PCDHGB1: variants seen among roughly 807,000 people sequenced by gnomAD.
PCDHGB1 encodes the protein protocadherin gamma-B1.
Under a neutral mutation model 56.6 loss-of-function variants are expected in PCDHGB1, and 34 were observed. The ratio of observed to expected loss-of-function variants is 0.60; its 90% CI spans 0.46 to 0.80. The LOEUF (loss-of-function observed/expected upper bound fraction) is 0.80, where lower values mean the gene tolerates loss of function less well. Among genes scored for constraint, PCDHGB1 ranks in the 30% least tolerant of loss-of-function variants. The pLI, the probability that PCDHGB1 is intolerant of heterozygous loss-of-function variation, is 0.00. For missense variants in PCDHGB1, 1,278 were observed against 1,204.6 expected (o/e 1.06, Z -0.90); for synonymous variants, 561 against 505.9 (o/e 1.11, Z -1.46).
intron 1 of PCDHGB1, chr5:141,356,057 A>T: frequency 6.2e-7 from 1 of 1,613,942 alleles, no homozygotes; most frequent in Middle Eastern, 1.6e-4. Flanking sequence ...AAAGTAAGAG[A>T]CAAAATATCA....
At chr5:141,378,986 C>T (rs1369970851) in intron 1 of PCDHGB1, 2 of 152,156 alleles carry the variant, frequency 1.3e-5, no homozygotes, top group African/African-American at 4.8e-5. Flanking sequence ...TGTTGAACTA[C>T]ATTATAGTCA....
chr5:141,421,404 G>A, intron 1 of PCDHGB1: 17 of 1,614,080 alleles, frequency 1.1e-5, no homozygotes, highest in Non-Finnish European at 1.4e-5. Flanking sequence ...AGCCCCGGGA[G>A]CTGGCGAAGC....
At chr5:141,371,550 C>T in intron 1 of PCDHGB1, 1 of 1,613,828 alleles carries the variant, frequency 6.2e-7, no homozygotes, top group South Asian at 1.1e-5. Context: ...CCTATGCCAA[C>T]TAAAAGGAAA....
intron 1 of PCDHGB1, chr5:141,389,060 A>G (rs1164665785): frequency 3.7e-6 from 6 of 1,614,010 alleles, no homozygotes; most frequent in Non-Finnish European, 4.2e-6. Context: ...CATTTAAAAT[A>G]TTAACTTCTT....
chr5:141,389,074 G>C (rs1561622860), intron 1 of PCDHGB1: 11 of 1,614,030 alleles, frequency 6.8e-6, no homozygotes, highest in Non-Finnish European at 9.3e-6. Context: ...ACTTCTTCAA[G>C]AAACACGTAT....
chr5:141,350,467 G>A lies in PCDHGB1; in HGVS notation c.207G>A (p.Glu69=). The change falls in exon 1 of 4, where the codon GAG becomes GAA. Residue 69 remains glutamate, a synonymous_variant. Coordinates refer to ENST00000523390, the MANE Select transcript of PCDHGB1 (RefSeq NM_018922.3). The part of the protein sequence containing the change: ...LPTRKLRVSA[E]DYFNVSLESG... ...CTCGAAAACTGCGGGTTAGTGCAGAGGATTATTTCAACGTTAGTTTGGAGA... is the reference window on the plus strand; with the variant it reads ...CTCGAAAACTGCGGGTTAGTGCAGAAGATTATTTCAACGTTAGTTTGGAGA... 2 of 1,613,996 alleles carry A rather than the reference G, an allele frequency of 1.2e-6. No individual in the cohort carries two copies. Among genetic ancestry groups the A allele is most frequent in the Non-Finnish European group, 1.7e-6 (2 of 1,179,882 alleles).
chr5:141,459,992 C>T (rs1327580257), intron 1 of PCDHGB1, among the ~76,000 whole-genome samples: 1 of 152,126 alleles, frequency 6.6e-6, no homozygotes, highest in Admixed American at 6.5e-5. Flanking sequence ...ACAGGAGAAT[C>T]GCTTGAACCC....
In PCDHGB1 at chr5:141,399,774, C is replaced by T. The variant is rs758550367; in HGVS notation, c.2409+47105C>T. The T allele has an allele frequency of 1.5e-5, 24 of 1,613,116 alleles. No homozygotes were observed. In the South Asian group the frequency reaches 2.4e-4, roughly 16 times the overall value. On this transcript the variant is annotated intron_variant, in intron 1 of 3. Transcript: ENST00000523390. Reference sequence around the variant, plus strand: ...ACGTGAGCCTGCGCGTGTTGGTGGGCGACCGAAACGACAACGCACCGCGGG... The same window carrying T: ...ACGTGAGCCTGCGCGTGTTGGTGGGTGACCGAAACGACAACGCACCGCGGG...
intron 1 of PCDHGB1, chr5:141,371,077 T>G (rs1169560992): frequency 8.1e-6 from 13 of 1,613,784 alleles, no homozygotes; most frequent in Admixed American, 1.7e-5. Context: ...ACCACCCAGA[T>G]CAGGGTAATT....
intron 2 of PCDHGB1, among the ~76,000 whole-genome samples, chr5:141,496,206 A>C (rs2099766963): frequency 6.6e-6 from 1 of 152,126 alleles, no homozygotes; most frequent in South Asian, 2.1e-4. Context: ...TCAATCTGGT[A>C]TGAATTCCTG....
chr5:141,358,195 A>G (rs559791322), intron 1 of PCDHGB1, among the ~76,000 whole-genome samples: 1 of 152,198 alleles, frequency 6.6e-6, no homozygotes, highest in East Asian at 1.9e-4. Flanking sequence ...GTCTCCAAAA[A>G]GTAAAATAAA....
At chr5:141,391,586 A>T (rs2092395151) in intron 1 of PCDHGB1, 1 of 152,234 alleles carries the variant, frequency 6.6e-6, no homozygotes. Flanking sequence ...TTCACAGGAA[A>T]ATATAAAGTT....
chr5:141,463,308 A>G (rs1233755540), intron 1 of PCDHGB1, among the ~76,000 whole-genome samples: 1 of 151,660 alleles, frequency 6.6e-6, no homozygotes, highest in Admixed American at 6.6e-5. Context: ...CCAAACTCTA[A>G]TATCTATTCC....
At chr5:141,353,028 CATT>C (rs1759167363) in intron 1 of PCDHGB1, among the ~76,000 whole-genome samples, 1 of 152,104 alleles carries the variant, frequency 6.6e-6, no homozygotes, top group African/African-American at 2.4e-5. Context: ...ATTTTCTTCT[CATT>C]GGTGTATAAG....
chr5:141,404,718 C>G (rs747745561), intron 1 of PCDHGB1: 1 of 1,614,072 alleles, frequency 6.2e-7, no homozygotes, highest in Admixed American at 1.7e-5. Context: ...TACCTGGTGA[C>G]CAAGGTGGTG....
At chr5:141,450,627 C>T (rs947866993) in intron 1 of PCDHGB1, among the ~76,000 whole-genome samples, 13 of 151,592 alleles carry the variant, frequency 8.6e-5, no homozygotes, top group African/African-American at 3.2e-4. Context: ...GCTGGGATTA[C>T]AGATGCCTGC....
chr5:141,443,064 G>A (rs76234738), intron 1 of PCDHGB1, among the ~76,000 whole-genome samples: 48 of 152,264 alleles, frequency 3.2e-4, no homozygotes, highest in African/African-American at 1.1e-3. Context: ...ACTGAAGAGC[G>A]TCTTATGACT....
chr5:141,375,817 G>A (rs376557886), intron 1 of PCDHGB1: 6 of 1,614,046 alleles, frequency 3.7e-6, no homozygotes, highest in Non-Finnish European at 4.2e-6. Flanking sequence ...TGGAGCTGGC[G>A]CCCCGCTCCG....
intron 1 of PCDHGB1, among the ~76,000 whole-genome samples, chr5:141,465,576 C>T (rs1002696285): frequency 6.6e-6 from 1 of 152,136 alleles, no homozygotes; most frequent in Non-Finnish European, 1.5e-5. Context: ...TCTCAAAACA[C>T]TCTCATAATA....
Sources: allele counts gnomAD v4.1 joint callset (sites outside exome capture counted in the v4.1 genomes callset), GRCh38; gene constraint gnomAD v4.1.1; transcripts MANE v1.5; gene names NCBI Gene and HGNC (gene_info 2026-07-23, HGNC 2026-07-21).